Variants in BTBD8 observed in about 807,000 individuals in gnomAD.
The protein encoded by BTBD8 is BTB domain containing 8.
BTBD8 carries 110 observed loss-of-function variants against 162.9 expected under a neutral mutation model. The ratio of observed to expected loss-of-function variants is 0.68; its 90% CI spans 0.58 to 0.79. The LOEUF (loss-of-function observed/expected upper bound fraction) is 0.79. Among genes scored for constraint, BTBD8 ranks in the 30% least tolerant of loss-of-function variants. BTBD8 has a pLI of 0.00. For missense variants in BTBD8, 1,905 were observed against 2,085.4 expected, an observed-to-expected ratio of 0.91 and a Z score of 1.68; for synonymous variants, 667 against 716.1, an observed-to-expected ratio of 0.93 and a Z score of 1.10.
intron 4 of BTBD8, 59 bp downstream of exon 4, chr1:92,108,060 C>G (rs1648782125): frequency 6.9e-7 from 1 of 1,456,968 alleles, no homozygotes. Flanking sequence ...GGAAGGGCAG[C>G]TGTCTCTTAC....
intron 3 of BTBD8, among the ~76,000 whole-genome samples, chr1:92,106,799 C>T (rs1648741070): frequency 6.6e-6 from 1 of 150,382 alleles, no homozygotes; most frequent in Non-Finnish European, 1.5e-5. Context: ...TGGTCATAGT[C>T]TGTTCAGGGA....
intron 4 of BTBD8, among the ~76,000 whole-genome samples, chr1:92,123,793 A>AAAG (rs1553122951): frequency 2.6e-5 from 4 of 151,260 alleles, no homozygotes; most frequent in African/African-American, 9.7e-5. Context: ...AAAAAAAAAA[A>AAAG]AAAGAAAATT....
At chr1:92,090,501 C>T (rs1648266881) in intron 2 of BTBD8, among the ~76,000 whole-genome samples, 2 of 152,160 alleles carry the variant, frequency 1.3e-5, no homozygotes, top group Non-Finnish European at 2.9e-5. Context: ...ATATTATTGA[C>T]TTCTAAGTGT....
At chr1:92,118,057 A>G (rs1649093294) in intron 4 of BTBD8, among the ~76,000 whole-genome samples, 1 of 151,940 alleles carries the variant, frequency 6.6e-6, no homozygotes, top group Admixed American at 6.5e-5. Context: ...GTATTCTCGT[A>G]TACCCCCACA....
At chr1:92,169,893 A>C (rs560323265) in intron 12 of BTBD8, among the ~76,000 whole-genome samples, 1 of 152,306 alleles carries the variant, frequency 6.6e-6, no homozygotes, top group South Asian at 2.1e-4. Context: ...CTTTTCAAAG[A>C]AATTCCATTA....
At chr1:92,150,674 A>T (rs953948531) in intron 9 of BTBD8, 1 of 152,200 alleles carries the variant, frequency 6.6e-6, no homozygotes, top group Non-Finnish European at 1.5e-5. Flanking sequence ...ACAGGATACC[A>T]TTCCAGCGCA....
At chr1:92,166,883 G>A (rs1318290972) in intron 9 of BTBD8, 75 bp from the exon 10 acceptor site, 2 of 1,397,484 alleles carry the variant, frequency 1.4e-6, no homozygotes, top group African/African-American at 1.4e-5. Flanking sequence ...AACAACAAAA[G>A]TATTTGATTT....
chr1:92,130,972 G>A (rs201981715), intron 5 of BTBD8, among the ~76,000 whole-genome samples: 1 of 152,160 alleles, frequency 6.6e-6, no homozygotes, highest in African/African-American at 2.4e-5. Context: ...CCAAAGTGTT[G>A]GGATTACAGG....
chr1:92,165,407 A>G (rs1650362794), intron 9 of BTBD8, among the ~76,000 whole-genome samples: 1 of 152,186 alleles, frequency 6.6e-6, no homozygotes, highest in African/African-American at 2.4e-5. Context: ...CAAATGAATT[A>G]AATGCTCTAA....
chr1:92,177,212 G>T lies in BTBD8; in HGVS notation c.2019G>T (p.Lys673Asn), dbSNP rs1650742924. 1 of 1,551,988 alleles carries T rather than the reference G, an allele frequency of 6.4e-7. No homozygotes were observed. The highest frequency in any genetic ancestry group is 8.7e-7 in the Non-Finnish European group (1 of 1,147,050). The stretch of plus-strand genomic sequence containing the variant: ...CAGCAGCAGCAGCAACTGGACAGAA[G>T]AATTTACTAAATGGAAAAGGAGTGA... ...ATAAAAATGQ[K>N]NLLNGKGVRN... The change falls in exon 14 of 18, where the codon AAG becomes AAT. Residue 673 changes from lysine to asparagine, a missense_variant. By Grantham distance (94) the Lys-to-Asn change is moderately conservative (BLOSUM62 0). This residue lies in a region of BTBD8 where 1,374 missense variants were observed against 1,442.7 expected (regional missense o/e 0.95). Transcript: ENST00000636805.
intron 4 of BTBD8, among the ~76,000 whole-genome samples, chr1:92,123,375 T>C (rs1353798506): frequency 6.6e-6 from 1 of 152,236 alleles, no homozygotes; most frequent in African/African-American, 2.4e-5. Context: ...ACTTATCTAT[T>C]GCTACTAAAA....
At chr1:92,172,346 T>C (rs1650571897) in intron 13 of BTBD8, among the ~76,000 whole-genome samples, 1 of 152,210 alleles carries the variant, frequency 6.6e-6, no homozygotes, top group African/African-American at 2.4e-5. Flanking sequence ...TGCAACGAAG[T>C]GCATGCAGCT....
At chr1:92,115,569 T>A (rs1649016814) in intron 4 of BTBD8, 1 of 378,966 alleles carries the variant, frequency 2.6e-6, no homozygotes, top group African/African-American at 2.1e-5. Context: ...GGGATCTCGC[T>A]CCTGGAAGAT....
intron 17 of BTBD8, 108 bp from the exon 18 acceptor site, chr1:92,183,756 T>TTG (rs1553127264): frequency 4.4e-5 from 7 of 160,008 alleles, no homozygotes; most frequent in African/African-American, 1.8e-4. Context: ...CCATTCTGTG[T>TTG]TTTTTTTTTT....
At chr1:92,166,634 A>G (rs1181997446) in intron 9 of BTBD8, among the ~76,000 whole-genome samples, 1 of 151,890 alleles carries the variant, frequency 6.6e-6, no homozygotes, top group Non-Finnish European at 1.5e-5. Context: ...CATGTTGGCC[A>G]GGCTGAGCTT....
In BTBD8 at chr1:92,182,655, G is replaced by A. The variant is rs561795429; in HGVS notation, c.4912+60G>A. ...GAAAATAAGTTTATAAAATTTTAAA[G>A]TTGTATGAAGCCCTGAATGTTATAT... On this transcript the variant is annotated intron_variant, in intron 17 of 17. Transcript: ENST00000636805. 4.5e-3 allele frequency: 4,739 copies of A among 1,045,126 alleles called. 19 individuals are homozygous for A. The highest frequency in any genetic ancestry group is 5.8e-3 in the Non-Finnish European group (4,415 of 766,176). 64.7% of individuals were successfully genotyped at this position (1,045,126 alleles called of 1,614,324 possible).
chr1:92,157,994 G>A (rs957070243), intron 9 of BTBD8, among the ~76,000 whole-genome samples: 2 of 152,150 alleles, frequency 1.3e-5, no homozygotes, highest in African/African-American at 4.8e-5. Context: ...ATTACATAAT[G>A]TCTGTGTCTC....
At chr1:92,145,825 C>A (rs550917624) in intron 7 of BTBD8, among the ~76,000 whole-genome samples, 107 of 152,088 alleles carry the variant, frequency 7.0e-4, no homozygotes, top group African/African-American at 2.5e-3. Context: ...ACTAAAAATA[C>A]AAAAAGTTAG....
At chr1:92,175,934 A>G (rs1396402865) in intron 13 of BTBD8, among the ~76,000 whole-genome samples, 1 of 152,146 alleles carries the variant, frequency 6.6e-6, no homozygotes, top group East Asian at 1.9e-4. Context: ...TGAAGTAGGT[A>G]TGTTTATCTT....
Sources: allele counts gnomAD v4.1 joint callset (sites outside exome capture counted in the v4.1 genomes callset), GRCh38; gene constraint gnomAD v4.1.1; regional missense constraint gnomAD v4.1.1; transcripts MANE v1.5; gene names NCBI Gene and HGNC (gene_info 2026-07-23, HGNC 2026-07-21).